MIEF1: variants seen among roughly 807,000 people sequenced by gnomAD.
MIEF1 encodes mitochondrial elongation factor 1, also known as mitochondrial dynamics protein MIEF1.
In MIEF1, 14 loss-of-function variants were observed where a neutral mutation model predicts 35.1. That is an observed-to-expected ratio of 0.40 (90% CI 0.26 to 0.62). The LOEUF (loss-of-function observed/expected upper bound fraction) is 0.62, where lower values mean the gene tolerates loss of function less well. Among genes scored for constraint, MIEF1 ranks in the 20% least tolerant of loss-of-function variants. The probability of loss-of-function intolerance (pLI) is 0.43; values close to 1 mark genes in which losing one functional copy is unlikely to be tolerated. For synonymous variants in MIEF1, 245 were observed against 254.3 expected (o/e 0.96, Z 0.35); for missense variants, 542 against 615.4 (o/e 0.88, Z 1.26).
intron 2 of MIEF1, among the ~76,000 whole-genome samples, chr22:39,506,724 T>C (rs565476007): frequency 6.6e-6 from 1 of 152,224 alleles, no homozygotes; most frequent in Non-Finnish European, 1.5e-5. Flanking sequence ...TTAACTATAT[T>C]AGGGTGATGA....
In MIEF1 at chr22:39,514,509, C is replaced by G; in HGVS notation, c.*186C>G. On this transcript the variant is annotated 3_prime_UTR_variant, in exon 6 of 6. Transcript: ENST00000325301. The stretch of plus-strand genomic sequence containing the variant: ...CTCCTATTTTGTTACCCAACTCTTC[C>G]TATTTTTGTTACCAATCACTGTGCT... The G allele has an allele frequency of 1.6e-6, 1 of 636,160 alleles. No individual in the cohort carries two copies. The highest frequency in any genetic ancestry group is 2.0e-5 in the South Asian group (1 of 49,274). The allele number at this position is 636,160 out of a possible 1,614,324, so 39.4% of individuals were successfully genotyped here. A position where few individuals can be genotyped will look rare whatever the true frequency, so the allele number is the denominator to read the frequency against.
chr22:39,514,441 C>A lies in MIEF1; in HGVS notation c.*118C>A. 1.1e-6 allele frequency: 1 copy of A among 906,984 alleles called. No homozygotes were observed. Among genetic ancestry groups the A allele is most frequent in the South Asian group, 1.5e-5 (1 of 64,722 alleles). 56.2% of individuals were successfully genotyped at this position (906,984 alleles called of 1,614,324 possible). A position where few individuals can be genotyped will look rare whatever the true frequency, so the allele number is the denominator to read the frequency against. ...TGCTGCCTGGTGTCTTGCTGATCATCACCCTGGTCACTTCATGCTGATTAG... is the reference window on the plus strand; with the variant it reads ...TGCTGCCTGGTGTCTTGCTGATCATAACCCTGGTCACTTCATGCTGATTAG... On this transcript the variant is annotated 3_prime_UTR_variant, in exon 6 of 6. Coordinates refer to ENST00000325301, the MANE Select transcript of MIEF1 (RefSeq NM_019008.6).
At position 39,502,558 on chromosome 22, in the gene MIEF1, C is replaced by CG. The variant is rs1929791170; in HGVS notation, c.-340+126dup. On this transcript the variant is annotated intron_variant, in intron 1 of 5. Coordinates refer to ENST00000325301, the MANE Select transcript of MIEF1 (RefSeq NM_019008.6). Reference sequence around the variant, plus strand: ...CGGAGTCAGGATACCAGCATGCAGCCGGGGGTCTCGCCCCATCCCGCCCTG... The same window carrying CG: ...CGGAGTCAGGATACCAGCATGCAGCCGGGGGGTCTCGCCCCATCCCGCCCTG... 3.9e-5 allele frequency: 6 copies of CG among 152,340 alleles called. No homozygotes were observed. The East Asian group carries it at 9.7e-4, about 25-fold the overall frequency. The allele number at this position is 152,340 out of a possible 1,614,324, so 9.4% of individuals were successfully genotyped here.
chr22:39,514,426 T>G lies in MIEF1; in HGVS notation c.*103T>G. On this transcript the variant is annotated 3_prime_UTR_variant, in exon 6 of 6. Transcript: ENST00000325301. ...GCCTCACAGGGTTCCTGCTGCCTGG[T>G]GTCTTGCTGATCATCACCCTGGTCA... The G allele has an allele frequency of 8.7e-7, 1 of 1,144,524 alleles. No individual in the cohort carries two copies. Among genetic ancestry groups the G allele is most frequent in the Non-Finnish European group, 1.3e-6 (1 of 790,604 alleles). The allele number at this position is 1,144,524 out of a possible 1,614,324, so 70.9% of individuals were successfully genotyped here. A position where few individuals can be genotyped will look rare whatever the true frequency, so the allele number is the denominator to read the frequency against.
intron 2 of MIEF1, among the ~76,000 whole-genome samples, chr22:39,510,356 C>T (rs926944375): frequency 6.6e-6 from 1 of 152,280 alleles, no homozygotes; most frequent in African/African-American, 2.4e-5. Flanking sequence ...TAGCCTCAAA[C>T]TCCTGGGCTC....
chr22:39,501,370 G>A (rs930397107), upstream of MIEF1, among the ~76,000 whole-genome samples: 1 of 152,234 alleles, frequency 6.6e-6, no homozygotes, highest in African/African-American at 2.4e-5. Context: ...TCTACTGGTA[G>A]ATATTACCTT....
At chr22:39,507,493 C>T (rs574135046) in intron 2 of MIEF1, among the ~76,000 whole-genome samples, 10 of 151,908 alleles carry the variant, frequency 6.6e-5, no homozygotes, top group Admixed American at 6.5e-4. Context: ...GATCTGCCCA[C>T]CTTGGCCTCC....
Position 39,513,553 on chromosome 22 carries a change from C to CA in MIEF1, c.622_623insA (p.Leu208HisfsTer14). 3 of 1,614,204 alleles carry CA rather than the reference C, an allele frequency of 1.9e-6. No individual in the cohort carries two copies. Among genetic ancestry groups the CA allele is most frequent in the Non-Finnish European group, 2.5e-6 (3 of 1,180,040 alleles). ...TGACCACATCCAACTCATTGTGCCCCTTGTGCTGGAGCAGAACCTGTGGTC... is the reference window on the plus strand; with the variant it reads ...TGACCACATCCAACTCATTGTGCCCCATTGTGCTGGAGCAGAACCTGTGGTC... On this transcript the variant is annotated frameshift_variant, in exon 6 of 6. Transcript: ENST00000325301. LOFTEE classifies it high-confidence loss of function.
chr22:39,506,229 C>G (rs2145743353), intron 2 of MIEF1, among the ~76,000 whole-genome samples: 1 of 152,268 alleles, frequency 6.6e-6, no homozygotes, highest in East Asian at 1.9e-4. Context: ...CATATACTCC[C>G]TATGCATCAA....
chr22:39,513,488 T>C (rs537756011), intron 5 of MIEF1, 29 bp from the exon 6 acceptor site: 1 of 1,606,568 alleles, frequency 6.2e-7, no homozygotes, highest in East Asian at 2.2e-5. Context: ...GAGTAAACCC[T>C]CAAAACCCTT....
chr22:39,513,883 C>G lies in MIEF1; in HGVS notation c.952C>G (p.Leu318Val). The G allele has an allele frequency of 6.2e-7, 1 of 1,614,130 alleles. No individual in the cohort carries two copies. Among genetic ancestry groups the G allele is most frequent in the Non-Finnish European group, 8.5e-7 (1 of 1,180,030 alleles). ...CATTGACTTCCTGCCATCAGTGACC[C>G]TCGGTGACACAGTCTTGGTGGCCAA... is the stretch of plus-strand genomic sequence containing the variant. Reference protein sequence around the residue: ...LFIDFLPSVTLGDTVLVAKPH... With the variant: ...LFIDFLPSVTVGDTVLVAKPH... Residue 318 changes from leucine (L) to valine (V), a missense_variant, in exon 6 of 6, where the codon CTC (leucine) becomes GTC (valine). Leu to Val is a conservative substitution (Grantham distance 32). Coordinates refer to ENST00000325301, the MANE Select transcript of MIEF1 (RefSeq NM_019008.6).
chr22:39,514,343 G>C lies in MIEF1; in HGVS notation c.*20G>C. 1 of 1,608,642 alleles carries C rather than the reference G, an allele frequency of 6.2e-7. No individual in the cohort carries two copies. Among genetic ancestry groups the C allele is most frequent in the Non-Finnish European group, 8.5e-7 (1 of 1,176,786 alleles). ...ACGTAGGGCAGGTGAAGGCCAAAGC[G>C]GGTGTTGGTGGTCAGGCCCTGGATT... On this transcript the variant is annotated 3_prime_UTR_variant, in exon 6 of 6. Transcript: ENST00000325301.
At chr22:39,503,935 T>C in intron 1 of MIEF1, 1 of 292,950 alleles carries the variant, frequency 3.4e-6, no homozygotes, top group Non-Finnish European at 6.2e-6. Context: ...AAGCTGGTGC[T>C]CAGCGGGGGT....
At position 39,513,725 on chromosome 22, in the gene MIEF1, C is replaced by G. The variant is rs1930494107; in HGVS notation, c.794C>G (p.Thr265Arg). ...CTCTCTCCAAAGACAGTCGCAGATA[C>G]ATTTGAGAAGGTAGTGGCTGGCTCC... ...GYLSPKTVAD[T>R]FEKVVAGSIN... is the part of the protein sequence containing the mutation. The change falls in exon 6 of 6, where the codon ACA becomes AGA. Residue 265 changes from threonine to arginine, a missense_variant. Transcript: ENST00000325301. 4 of 1,614,188 alleles carry G rather than the reference C, an allele frequency of 2.5e-6. No individual in the cohort carries two copies. The highest frequency in any genetic ancestry group is 3.3e-4 in the Middle Eastern group (2 of 6,062).
At position 39,515,426 on chromosome 22, in the gene MIEF1, C is replaced by CGTCTG. The variant is rs1267908037; in HGVS notation, c.*1104_*1108dup. 2.9e-6 allele frequency: 2 copies of CGTCTG among 693,436 alleles called. No homozygotes were observed. The highest frequency in any genetic ancestry group is 5.4e-6 in the Non-Finnish European group (2 of 373,558). 43.0% of individuals were successfully genotyped at this position (693,436 alleles called of 1,614,324 possible). ...CAACAGCCAGCCCTTCATCCTCCAG[C>CGTCTG]GTCTGCCATAGGAATGTGAGAGGGG... On this transcript the variant is annotated 3_prime_UTR_variant, in exon 6 of 6. Transcript: ENST00000325301.
chr22:39,508,162 C>G (rs980398088), intron 2 of MIEF1, among the ~76,000 whole-genome samples: 2 of 152,198 alleles, frequency 1.3e-5, no homozygotes, highest in Non-Finnish European at 1.5e-5. Context: ...GTGATTTGGT[C>G]CCACGCGGGG....
At chr22:39,502,552 T>C (rs1032045789) in intron 1 of MIEF1, 115 bp downstream of exon 1, 4 of 152,324 alleles carry the variant, frequency 2.6e-5, no homozygotes, top group Admixed American at 6.5e-5. Context: ...GATACCAGCA[T>C]GCAGCCGGGG....
At chr22:39,504,800 G>A (rs1452019969) in intron 2 of MIEF1, 2 of 169,620 alleles carry the variant, frequency 1.2e-5, no homozygotes, top group African/African-American at 4.7e-5. Flanking sequence ...GGGGAAAAAA[G>A]AGGACATTTG....
In MIEF1 at chr22:39,516,303, C is replaced by T. The variant is rs889635526; in HGVS notation, c.*1980C>T. Reference sequence around the variant, plus strand: ...AGAGGAGAGGATTGATAGAGTGTTGCAAAAGTATAGATTATTCATTGAGAT... The same window carrying T: ...AGAGGAGAGGATTGATAGAGTGTTGTAAAAGTATAGATTATTCATTGAGAT... On this transcript the variant is annotated 3_prime_UTR_variant, in exon 6 of 6. Transcript: ENST00000325301. 6.6e-6 allele frequency: 1 copy of T among 152,088 alleles called. No homozygotes were observed. The highest frequency in any genetic ancestry group is 1.5e-5 in the Non-Finnish European group (1 of 68,036). The allele number at this position is 152,088 out of a possible 1,614,324, so 9.4% of individuals were successfully genotyped here.
Sources: allele counts gnomAD v4.1 joint callset (sites outside exome capture counted in the v4.1 genomes callset), GRCh38; gene constraint gnomAD v4.1.1; transcripts MANE v1.5; gene names NCBI Gene and HGNC (gene_info 2026-07-23, HGNC 2026-07-21).